The following ARHGEF40 variants were observed in gnomAD, a reference collection of about 807,000 sequenced individuals.
The protein encoded by ARHGEF40 is Rho guanine nucleotide exchange factor 40.
A neutral mutation model predicts 165.9 loss-of-function variants in ARHGEF40; 98 were observed. The ratio of observed to expected loss-of-function variants is 0.59; its 90% CI spans 0.50 to 0.70. ARHGEF40 has a LOEUF of 0.70. ARHGEF40 is among the 30% of genes least tolerant of loss of function. The pLI is 0.00. For missense variants in ARHGEF40, 1,815 were observed against 1,968.0 expected (o/e 0.92, Z 1.47); for synonymous variants, 792 against 814.3 (o/e 0.97, Z 0.47).
rs765775686 is a variant in ARHGEF40, at chr14:21,081,564, G to GGGAGGCTGTGCTGGCTGCACTGGCCCTGC, written c.2699_2727dup (p.Ala911LeufsTer48). ...CGGCTGGCAGGAGCTGGGCCGGGTCGGGAGGCTGTGCTGGCTGCACTGGCC... is the reference window on the plus strand; with the variant it reads ...CGGCTGGCAGGAGCTGGGCCGGGTCGGGAGGCTGTGCTGGCTGCACTGGCCCTGCGGAGGCTGTGCTGGCTGCACTGGCC... On this transcript the variant is annotated frameshift_variant, in exon 14 of 24. Transcript: ENST00000298694. LOFTEE classifies it high-confidence loss of function. 1.2e-6 allele frequency: 2 copies of GGGAGGCTGTGCTGGCTGCACTGGCCCTGC among 1,612,658 alleles called. No homozygotes were observed. Among genetic ancestry groups the GGGAGGCTGTGCTGGCTGCACTGGCCCTGC allele is most frequent in the Non-Finnish European group, 1.7e-6 (2 of 1,179,816 alleles).
intron 1 of ARHGEF40, among the ~76,000 whole-genome samples, chr14:21,071,072 C>G (rs1310897981): frequency 6.6e-6 from 1 of 152,138 alleles, no homozygotes; most frequent in Non-Finnish European, 1.5e-5. Flanking sequence ...GAAAGTGCCC[C>G]AGAGCTCTTG....
At position 21,087,390 on chromosome 14, in the gene ARHGEF40, G is replaced by T. The variant is rs373398882; in HGVS notation, c.4314G>T (p.Ser1438=). The change falls in exon 21 of 24, where the codon TCG becomes TCT. Residue 1438 remains serine (S), a synonymous_variant. Coordinates refer to ENST00000298694, the MANE Select transcript of ARHGEF40 (RefSeq NM_018071.5). ...EHAGPSLPGL[S]PGACSLPARV... ...CCGGCCCCTCCCTTCCCGGCCTTTC[G>T]CCGGGAGCCTGCTCCCTGCCTGCCC... 1 of 1,603,292 alleles carries T rather than the reference G, an allele frequency of 6.2e-7. No individual in the cohort carries two copies. The highest frequency in any genetic ancestry group is 1.1e-5 in the South Asian group (1 of 91,086).
At chr14:21,070,278 A>T, upstream of ARHGEF40, 2 of 1,097,542 alleles carry the variant, frequency 1.8e-6, no homozygotes, top group Non-Finnish European at 2.3e-6. The surrounding 1 kb of genome is among the most constrained non-coding windows in gnomAD (Gnocchi z 4.7). Flanking sequence ...CCGAGCCGCC[A>T]CCGCGGCCGG....
Position 21,088,075 on chromosome 14 carries a change from G to A in ARHGEF40, c.4495G>A (p.Gly1499Arg). Residue 1499 changes from glycine to arginine, a missense_variant, in exon 22 of 24, where the codon GGG becomes AGG. By Grantham distance (125) the Gly-to-Arg change is moderately radical. Coordinates refer to ENST00000298694, the MANE Select transcript of ARHGEF40 (RefSeq NM_018071.5). ...GSSTPTLASR[G>R]ILGLSRQSHA... ...CAGCACTCCCACCCTGGCCAGTCGA[G>A]GGATCTTAGGGCTATCCCGACAGGT... 6.2e-7 allele frequency: 1 copy of A among 1,613,364 alleles called. No homozygotes were observed. The highest frequency in any genetic ancestry group is 8.5e-7 in the Non-Finnish European group (1 of 1,179,630).
Position 21,087,112 on chromosome 14 carries a change from G to T in ARHGEF40, c.4243+7G>T, listed in dbSNP as rs1446102850. 1 of 1,607,226 alleles carries T rather than the reference G, an allele frequency of 6.2e-7. No individual in the cohort carries two copies. On this transcript the variant is annotated splice_region_variant and intron_variant, in intron 20 of 23. Transcript: ENST00000298694. Reference sequence around the variant, plus strand: ...GCCCTGCTCACTGGAAGAGGTGAGGGCCAGGGTGCTGGGGGGTGGCCCCCA... The same window carrying T: ...GCCCTGCTCACTGGAAGAGGTGAGGTCCAGGGTGCTGGGGGGTGGCCCCCA...
rs540497830 is a variant in ARHGEF40, at chr14:21,079,264, T to C, written c.2373+254T>C. Among the ~76,000 whole-genome samples the C allele has an allele frequency of 1.4e-4, 22 of 152,336 alleles. No homozygotes were observed. The South Asian group carries it at 4.6e-3, about 32-fold the overall frequency. On this transcript the variant is annotated intron_variant, in intron 11 of 23. Transcript: ENST00000298694. Reference sequence around the variant, plus strand: ...GAAAATGCTGAGAGATTGTGAGAGATGCTCAGCTGCCCTAGGGGATTCTGA... The same window carrying C: ...GAAAATGCTGAGAGATTGTGAGAGACGCTCAGCTGCCCTAGGGGATTCTGA...
chr14:21,062,291 T>G, the ARHGEF40 span, among the ~76,000 whole-genome samples: 57 of 152,236 alleles, frequency 3.7e-4, no homozygotes, highest in African/African-American at 1.3e-3. Context: ...TATTTTCCGG[T>G]GTTAATATGT....
upstream of ARHGEF40, among the ~76,000 whole-genome samples, chr14:21,069,189 TC>T (rs1045079463): frequency 6.6e-5 from 10 of 152,194 alleles, no homozygotes; most frequent in South Asian, 1.2e-3. Context: ...TGCCCGTGCC[TC>T]CCCCCGGGCT....
Position 21,070,858 on chromosome 14 carries a change from C to T in ARHGEF40, c.3+459C>T. 6.5e-7 allele frequency: 1 copy of T among 1,535,658 alleles called. No individual in the cohort carries two copies. On this transcript the variant is annotated intron_variant, in intron 1 of 23. Coordinates refer to ENST00000298694, the MANE Select transcript of ARHGEF40 (RefSeq NM_018071.5). This position sits in a 1 kb window ranked among gnomAD's most constrained non-coding sequence, Gnocchi z 4.7. ...TGGAACCACCATTTTCCATCCCTGTCCCCAACCCGGTGAGGCAGGCCCACC... is the reference window on the plus strand; with the variant it reads ...TGGAACCACCATTTTCCATCCCTGTTCCCAACCCGGTGAGGCAGGCCCACC...
Position 21,074,112 on chromosome 14 carries a change from G to T in ARHGEF40, c.382G>T (p.Gly128Cys). 1.9e-6 allele frequency: 3 copies of T among 1,614,158 alleles called. No individual in the cohort carries two copies. Among genetic ancestry groups the T allele is most frequent in the Non-Finnish European group, 2.5e-6 (3 of 1,180,022 alleles). Residue 128 changes from glycine (G) to cysteine (C), a missense_variant, in exon 3 of 24, where the codon GGT becomes TGT. Gly to Cys is a radical substitution (Grantham distance 159). Coordinates refer to ENST00000298694, the MANE Select transcript of ARHGEF40 (RefSeq NM_018071.5). This position sits in a 1 kb window ranked among gnomAD's most constrained non-coding sequence, Gnocchi z 4.8. ...RLALKCLAPG[G>C]GRVQEVPVPN... ...AGCACTCAAGTGTCTGGCCCCTGGG[G>T]GTGGGCGGGTGCAGGAGGTTCCTGT...
chr14:21,066,325 GTTTT>G (rs71416998), upstream of ARHGEF40, among the ~76,000 whole-genome samples: 1 of 142,562 alleles, frequency 7.0e-6, no homozygotes, highest in Non-Finnish European at 1.5e-5. Context: ...TGTTTTTTTT[GTTTT>G]TTTTTTTTGG....
chr14:21,062,349 A>T, the ARHGEF40 span, among the ~76,000 whole-genome samples: 1 of 152,326 alleles, frequency 6.6e-6, no homozygotes, highest in South Asian at 2.1e-4. Context: ...CTCAAGGCTC[A>T]GGCTCAAGGG....
In ARHGEF40 at chr14:21,074,613, C is replaced by G; in HGVS notation, c.883C>G (p.Leu295Val). 1 of 1,569,492 alleles carries G rather than the reference C, an allele frequency of 6.4e-7. No individual in the cohort carries two copies. Among genetic ancestry groups the G allele is most frequent in the Admixed American group, 1.9e-5 (1 of 52,032 alleles). Residue 295 changes from leucine to valine, a missense_variant, in exon 3 of 24, where the codon CTG becomes GTG. Physicochemically the swap from Leu to Val is conservative, Grantham distance 32. Coordinates refer to ENST00000298694, the MANE Select transcript of ARHGEF40 (RefSeq NM_018071.5). This position sits in a 1 kb window ranked among gnomAD's most constrained non-coding sequence, Gnocchi z 4.8. ...CCGGGCGTGGATGCACCAGAAGGGC[C>G]TGGGGCCTCGGGGCCAGGATGGAGC... Reference protein sequence around the residue: ...RHRAWMHQKGLGPRGQDGARP... With the variant: ...RHRAWMHQKGVGPRGQDGARP...
In ARHGEF40 at chr14:21,081,956, A is replaced by G. The variant is rs1311262640; in HGVS notation, c.3088A>G (p.Arg1030Gly). 12 of 1,603,746 alleles carry G rather than the reference A, an allele frequency of 7.5e-6. 1 individual carries two copies. The South Asian group carries it at 1.3e-4, about 18-fold the overall frequency. ...TGAGCTGGCTCCAGAAGCAGAGGGC[A>G]GGCCCCCAAGAGCTGTGCTGATCCG... ...GPELAPEAEG[R>G]PPRAVLIRGL... The change falls in exon 14 of 24, where the codon AGG becomes GGG. Residue 1030 changes from arginine (R) to glycine (G), a missense_variant. By Grantham distance (125) the Arg-to-Gly change is moderately radical. Transcript: ENST00000298694.
rs61741563 is a variant in ARHGEF40 at position 21,081,655 on chromosome 14, G to A, written c.2787G>A (p.Leu929=). ...FQEMRALALD[L]GSPAALREWG... ...AGATGCGGGCCCTGGCCCTGGACCT[G>A]GGCAGCCCAGCAGCCCTGCGAGAAT... Residue 929 remains leucine, a synonymous_variant, in exon 14 of 24, where the codon CTG becomes CTA. Transcript: ENST00000298694. 77,685 of 1,605,570 alleles carry A rather than the reference G, an allele frequency of 0.048. 2,105 individuals carry two copies. Among genetic ancestry groups the A allele is most frequent in the Middle Eastern group, 0.076 (461 of 6,030 alleles).
chr14:21,078,797 C>G, intron 10 of ARHGEF40, 87 bp from the exon 11 acceptor site: 20 of 1,532,332 alleles, frequency 1.3e-5, no homozygotes, highest in Non-Finnish European at 1.8e-5. Context: ...TGCAACCTCT[C>G]ATGTTTGCAT....
rs71112543 is a variant in ARHGEF40, at chr14:21,080,199, G to GAC, written c.2374-412_2374-411dup. Among the ~76,000 whole-genome samples the GAC allele has an allele frequency of 3.5e-3, 470 of 135,402 alleles. 5 individuals carry two copies. The highest frequency in any genetic ancestry group is 0.018 in the East Asian group (79 of 4,504). 88.8% of individuals were successfully genotyped at this position (135,402 alleles called of 152,430 possible). On this transcript the variant is annotated intron_variant, in intron 11 of 23. Coordinates refer to ENST00000298694, the MANE Select transcript of ARHGEF40 (RefSeq NM_018071.5). The stretch of plus-strand genomic sequence containing the variant: ...GCCTCATATTAGGAAATTAAAGCCG[G>GAC]ACACACACACACACACACACACACA...
In ARHGEF40 at chr14:21,078,507, C is replaced by T. The variant is rs572800648; in HGVS notation, c.2246+19C>T. ...GCAGCAAGTACGAAGTATGGGTGTG[C>T]GGAGGCAGGTGGAAGTGGGAGGTGG... is the stretch of plus-strand genomic sequence containing the variant. On this transcript the variant is annotated intron_variant, in intron 10 of 23. Transcript: ENST00000298694. 2.3e-5 allele frequency: 36 copies of T among 1,540,316 alleles called. No individual in the cohort carries two copies. The highest frequency in any genetic ancestry group is 1.8e-4 in the Middle Eastern group (1 of 5,680).
At chr14:21,085,001 A>G in intron 18 of ARHGEF40, 78 bp downstream of exon 18, 1 of 1,538,520 alleles carries the variant, frequency 6.5e-7, no homozygotes, top group Non-Finnish European at 8.8e-7. Context: ...CTGGAAATTC[A>G]GCCCCAACAG....
Sources: gnomAD v4.1 joint callset for allele counts (sites outside exome capture counted in the v4.1 genomes callset) on GRCh38, gnomAD v4.1.1 for gene constraint, Gnocchi (gnomAD v3.1) non-coding constraint, MANE v1.5 for transcripts, NCBI Gene and HGNC (gene_info 2026-07-23, HGNC 2026-07-21) for gene names.